Variants in SLC30A8 observed in about 807,000 individuals in gnomAD.
SLC30A8 encodes the protein proton-coupled zinc antiporter SLC30A8.
SLC30A8 carries 27 observed loss-of-function variants against 36.9 expected under a neutral mutation model. The ratio of observed to expected loss-of-function variants is 0.73; its 90% confidence interval spans 0.54 to 1.01. The LOEUF is 1.01. SLC30A8 is among the 50% of genes least tolerant of loss of function. The pLI is 0.00. For synonymous variants in SLC30A8, 164 were observed against 172.4 expected, an observed-to-expected ratio of 0.95 and a Z score of 0.38; for missense variants, 439 against 452.0, an observed-to-expected ratio of 0.97 and a Z score of 0.26.
Position 117,176,286 on chromosome 8 carries a change from A to C in SLC30A8, c.*3605A>C, listed in dbSNP as rs191739535. 1.5e-4 allele frequency: 23 copies of C among 152,586 alleles called. No individual in the cohort carries two copies. The East Asian group carries it at 4.1e-3, about 27-fold the overall frequency. The allele number at this position is 152,586 out of a possible 1,614,324, so 9.5% of individuals were successfully genotyped here. A position where few individuals can be genotyped will look rare whatever the true frequency, so the allele number is the denominator to read the frequency against. ...CTGGAGAATGTTGCTCTCCAGCTCC[A>C]TCCCCACCCAATGAAATATGATCCA... On this transcript the variant is annotated 3_prime_UTR_variant, in exon 8 of 8. Coordinates refer to ENST00000456015, the MANE Select transcript of SLC30A8 (RefSeq NM_173851.3).
chr8:117,079,457 A>T (rs1051611476), intron 2 of SLC30A8, among the ~76,000 whole-genome samples: 1 of 152,148 alleles, frequency 6.6e-6, no homozygotes, highest in African/African-American at 2.4e-5. Context: ...CTCAGGGTAA[A>T]CTAACCCTTC....
intron 1 of SLC30A8, among the ~76,000 whole-genome samples, chr8:117,141,382 G>A (rs1181583274): frequency 1.3e-5 from 2 of 152,034 alleles, no homozygotes; most frequent in African/African-American, 4.8e-5. Context: ...AATACAAAGT[G>A]ATACAACATA....
intron 1 of SLC30A8, among the ~76,000 whole-genome samples, chr8:116,960,207 G>T (rs1420719328): frequency 6.6e-6 from 1 of 152,214 alleles, no homozygotes; most frequent in Non-Finnish European, 1.5e-5. Context: ...AGCTGAAGCT[G>T]CCTATCTCAT....
At chr8:117,068,307 A>G (rs1818228450) in intron 2 of SLC30A8, among the ~76,000 whole-genome samples, 1 of 152,168 alleles carries the variant, frequency 6.6e-6, no homozygotes, top group African/African-American at 2.4e-5. Context: ...TCACTAGTAA[A>G]ATGTAATGTC....
intron 2 of SLC30A8, among the ~76,000 whole-genome samples, chr8:117,152,007 C>T (rs913087123): frequency 6.6e-6 from 1 of 152,126 alleles, no homozygotes; most frequent in African/African-American, 2.4e-5. Context: ...AATTATGAGC[C>T]ATCTATGTAA....
chr8:117,119,517 A>G (rs1390762061), intron 2 of SLC30A8, among the ~76,000 whole-genome samples: 1 of 151,886 alleles, frequency 6.6e-6, no homozygotes, highest in Non-Finnish European at 1.5e-5. Context: ...TTCTTTTAGG[A>G]ATTATTCTAC....
intron 2 of SLC30A8, among the ~76,000 whole-genome samples, chr8:117,149,554 T>TAAAC (rs886713969): frequency 6.6e-5 from 10 of 152,284 alleles, no homozygotes; most frequent in African/African-American, 2.2e-4. Flanking sequence ...AGAAAGATGA[T>TAAAC]AAACACAAGT....
At chr8:117,129,976 G>A (rs948205730) in intron 2 of SLC30A8, 1 of 151,908 alleles carries the variant, frequency 6.6e-6, no homozygotes, top group African/African-American at 2.4e-5. Flanking sequence ...TGACTTGGTC[G>A]AGAGTTTAGG....
chr8:116,980,728 CA>C (rs1815221546), intron 1 of SLC30A8, among the ~76,000 whole-genome samples: 1 of 152,144 alleles, frequency 6.6e-6, no homozygotes, highest in African/African-American at 2.4e-5. Context: ...GGAACACTCT[CA>C]AAACACACCC....
chr8:117,088,315 T>C (rs1393089687), intron 2 of SLC30A8, among the ~76,000 whole-genome samples: 1 of 152,100 alleles, frequency 6.6e-6, no homozygotes, highest in African/African-American at 2.4e-5. Flanking sequence ...ATCCTATAAA[T>C]TAGAAGAAAC....
intron 1 of SLC30A8, among the ~76,000 whole-genome samples, chr8:117,014,775 C>A (rs982880987): frequency 6.6e-6 from 1 of 152,144 alleles, no homozygotes; most frequent in Non-Finnish European, 1.5e-5. Context: ...TGTTGTCCAA[C>A]TCCCTTTTCT....
At chr8:117,034,001 A>G (rs1817134254) in intron 1 of SLC30A8, among the ~76,000 whole-genome samples, 1 of 152,230 alleles carries the variant, frequency 6.6e-6, no homozygotes, top group African/African-American at 2.4e-5. Context: ...TTCTGATGAA[A>G]TAGGGCTGTG....
At chr8:117,135,449 A>G (rs1337400933) in intron 1 of SLC30A8, 51 bp downstream of exon 1, 1 of 1,431,190 alleles carries the variant, frequency 7.0e-7, no homozygotes, top group East Asian at 2.4e-5. Context: ...AATATCATCC[A>G]ATTCCTATAC....
At chr8:117,036,807 C>T (rs1817229411) in intron 1 of SLC30A8, among the ~76,000 whole-genome samples, 1 of 152,166 alleles carries the variant, frequency 6.6e-6, no homozygotes, top group Admixed American at 6.5e-5. Flanking sequence ...AGAGCCAAAC[C>T]ATATCACTGA....
At chr8:116,992,984 A>G (rs1229989536) in intron 1 of SLC30A8, among the ~76,000 whole-genome samples, 1 of 152,002 alleles carries the variant, frequency 6.6e-6, no homozygotes, top group Non-Finnish European at 1.5e-5. Context: ...AGATATAGAG[A>G]TTAAAGTTTC....
chr8:117,081,108 T>C (rs1004566329), intron 2 of SLC30A8, among the ~76,000 whole-genome samples: 3 of 152,158 alleles, frequency 2.0e-5, no homozygotes, highest in African/African-American at 7.2e-5. Flanking sequence ...ATTGGTGAAA[T>C]TGATATCATG....
intron 2 of SLC30A8, among the ~76,000 whole-genome samples, chr8:117,107,083 A>C (rs1417896329): frequency 6.6e-6 from 1 of 152,202 alleles, no homozygotes; most frequent in Non-Finnish European, 1.5e-5. Flanking sequence ...AGTTTCTCAC[A>C]GGACTATTGA....
chr8:117,075,067 TACAG>T (rs1818449381), intron 2 of SLC30A8, among the ~76,000 whole-genome samples: 1 of 152,190 alleles, frequency 6.6e-6, no homozygotes, highest in African/African-American at 2.4e-5. Context: ...GTGGAAAAGT[TACAG>T]AAAGAAGTTA....
intron 2 of SLC30A8, among the ~76,000 whole-genome samples, chr8:117,042,487 T>C (rs1817414482): frequency 6.6e-6 from 1 of 152,100 alleles, no homozygotes; most frequent in South Asian, 2.1e-4. Context: ...TGTATCTGTG[T>C]ATGTGAGGCG....
Sources: allele counts gnomAD v4.1 joint callset (sites outside exome capture counted in the v4.1 genomes callset), GRCh38; gene constraint gnomAD v4.1.1; transcripts MANE v1.5; gene names NCBI Gene and HGNC (gene_info 2026-07-23, HGNC 2026-07-21).